Variants in CFAP44 observed in about 807,000 individuals in gnomAD.
CFAP44 encodes cilia and flagella associated protein 44.
Under a neutral mutation model 216.2 loss-of-function variants are expected in CFAP44, and 134 were observed. The observed-to-expected ratio is 0.62, with a 90% confidence interval of 0.54 to 0.72. The LOEUF (loss-of-function observed/expected upper bound fraction) is 0.72. Ranked by LOEUF, CFAP44 falls within the 30% of genes least tolerant of loss-of-function variation. CFAP44 has a pLI of 0.00. For missense variants in CFAP44, 2,035 were observed against 2,182.1 expected, an observed-to-expected ratio of 0.93 and a Z score of 1.34; for synonymous variants, 700 against 727.6, an observed-to-expected ratio of 0.96 and a Z score of 0.61.
At chr3:113,371,298 C>A (rs1345287802) in intron 18 of CFAP44, among the ~76,000 whole-genome samples, 1 of 152,190 alleles carries the variant, frequency 6.6e-6, no homozygotes, top group Non-Finnish European at 1.5e-5. Flanking sequence ...AAGAACAAAG[C>A]TGGAGGCATC....
chr3:113,385,552 T>C (rs952929824), intron 15 of CFAP44, among the ~76,000 whole-genome samples: 1 of 152,238 alleles, frequency 6.6e-6, no homozygotes, highest in Non-Finnish European at 1.5e-5. Flanking sequence ...GAGAAGAATG[T>C]GTATTCTACA....
At chr3:113,327,378 C>T (rs558149920) in intron 27 of CFAP44, among the ~76,000 whole-genome samples, 2 of 152,210 alleles carry the variant, frequency 1.3e-5, no homozygotes, top group South Asian at 4.1e-4. Context: ...AAATTTTATT[C>T]TTCTACCTTA....
intron 28 of CFAP44, among the ~76,000 whole-genome samples, chr3:113,324,037 C>A (rs1222235199): frequency 8.4e-6 from 1 of 118,656 alleles, no homozygotes. Context: ...AGCAAGACTC[C>A]GTCTCAAAAA....
chr3:113,335,751 T>C (rs1950276963), intron 24 of CFAP44, among the ~76,000 whole-genome samples: 1 of 152,218 alleles, frequency 6.6e-6, no homozygotes, highest in African/African-American at 2.4e-5. Flanking sequence ...AATTGACATT[T>C]ATAGAACACT....
At chr3:113,436,020 G>C (rs74812356) in intron 1 of CFAP44, among the ~76,000 whole-genome samples, 5,865 of 151,874 alleles carry the variant, frequency 0.039, 170 homozygotes, top group African/African-American at 0.071. Flanking sequence ...GTTTATGGAG[G>C]GGGTGGGGTT....
chr3:113,425,221 A>G (rs1192615472), intron 4 of CFAP44, among the ~76,000 whole-genome samples: 1 of 152,226 alleles, frequency 6.6e-6, no homozygotes, highest in African/African-American at 2.4e-5. Context: ...GTTTTTATGT[A>G]AAAAGCAAAA....
Position 113,290,283 on chromosome 3 carries a change from T to C in CFAP44, c.*1274A>G, listed in dbSNP as rs548210256. Reference sequence around the variant, plus strand: ...CAATAAGGTATTCTGACCTCTTAAATAGGAATATGAAGGAATCTTAGGAAG... The same window carrying C: ...CAATAAGGTATTCTGACCTCTTAAACAGGAATATGAAGGAATCTTAGGAAG... On this transcript the variant is annotated 3_prime_UTR_variant, in exon 35 of 35. Transcript: ENST00000393845. The C allele has an allele frequency of 7.2e-5, 11 of 152,254 alleles. No individual in the cohort carries two copies. Among genetic ancestry groups the C allele is most frequent in the Admixed American group, 5.9e-4 (9 of 15,296 alleles). The allele number at this position is 152,254 out of a possible 1,614,324, so 9.4% of individuals were successfully genotyped here. A position where few individuals can be genotyped will look rare whatever the true frequency, so the allele number is the denominator to read the frequency against.
At position 113,331,056 on chromosome 3, in the gene CFAP44, C is replaced by A. The variant is rs114966549; in HGVS notation, c.3616-388G>T. ...CAATTAATTCATTTTCCTCCTGGAA[C>A]TTTGAATCCCTTTGACTTAGACTCA... is the stretch of plus-strand genomic sequence containing the variant. On this transcript the variant is annotated intron_variant, in intron 25 of 34. Coordinates refer to ENST00000393845, the MANE Select transcript of CFAP44 (RefSeq NM_001164496.2). Among the ~76,000 whole-genome samples, 693 of 152,280 alleles carry A rather than the reference C, an allele frequency of 4.6e-3. 6 individuals are homozygous for A. Among genetic ancestry groups the A allele is most frequent in the African/African-American group, 0.016 (655 of 41,560 alleles).
chr3:113,369,746 G>A (rs191665743), intron 18 of CFAP44, among the ~76,000 whole-genome samples: 2 of 151,612 alleles, frequency 1.3e-5, no homozygotes, highest in Admixed American at 6.6e-5. Flanking sequence ...AACTGAAGGA[G>A]ATAGAGACAA....
At position 113,363,192 on chromosome 3, in the gene CFAP44, A is replaced by C. The variant is rs370484707; in HGVS notation, c.2887T>G (p.Leu963Val). ...TTTGGTAATTTTTCATTCATTTCTA[A>C]TAGATTACAAAATTCACTCCTCAAA... ...KALRSEFCNL[L>V]EMNEKLPKHM... The change falls in exon 21 of 35, where the codon TTA (leucine) becomes GTA (valine). Residue 963 changes from leucine (L) to valine (V), a missense_variant. Around this residue, in one of 3 missense-constraint regions of CFAP44, gnomAD observed 1,883 missense variants for 2,023.7 expected, o/e 0.93. Transcript: ENST00000393845. 1 of 1,612,818 alleles carries C rather than the reference A, an allele frequency of 6.2e-7. No homozygotes were observed. The highest frequency in any genetic ancestry group is 8.5e-7 in the Non-Finnish European group (1 of 1,179,584).
intron 9 of CFAP44, among the ~76,000 whole-genome samples, chr3:113,402,416 T>G (rs549638144): frequency 6.6e-6 from 1 of 151,842 alleles, no homozygotes; most frequent in South Asian, 2.1e-4. Flanking sequence ...ATAGGAAGAG[T>G]GAAGGAGCAC....
rs1297838444 is a variant in CFAP44 at position 113,433,684 on chromosome 3, T to C, written c.-5-15A>G. 9 of 1,583,746 alleles carry C rather than the reference T, an allele frequency of 5.7e-6. No homozygotes were observed. Among genetic ancestry groups the C allele is most frequent in the Admixed American group, 1.7e-5 (1 of 59,862 alleles). The stretch of plus-strand genomic sequence containing the variant: ...CTTCATTTCCTCTGTAAGTACAAAA[T>C]GGGGATGAGATATGGATAAAGCTGT... On this transcript the variant is annotated splice_polypyrimidine_tract_variant and intron_variant, in intron 1 of 34. Transcript: ENST00000393845.
intron 6 of CFAP44, among the ~76,000 whole-genome samples, chr3:113,414,995 G>GTT (rs141093042): frequency 0.17 from 26,445 of 151,418 alleles, 2,975 homozygotes; most frequent in East Asian, 0.42. Context: ...TGGTCCTGGA[G>GTT]TTTTTTTTGG....
chr3:113,372,241 A>T (rs1485837830), intron 18 of CFAP44, among the ~76,000 whole-genome samples: 1 of 152,222 alleles, frequency 6.6e-6, no homozygotes, highest in East Asian at 1.9e-4. Flanking sequence ...ATATACCCAA[A>T]GGATTATAAA....
intron 15 of CFAP44, among the ~76,000 whole-genome samples, chr3:113,387,388 G>T (rs1441388517): frequency 6.6e-6 from 1 of 152,122 alleles, no homozygotes. Context: ...GAGTTGTGAG[G>T]CCCCTATTCC....
chr3:113,412,401 C>A (rs1425086927), intron 6 of CFAP44, among the ~76,000 whole-genome samples: 4 of 146,176 alleles, frequency 2.7e-5, no homozygotes, highest in East Asian at 2.0e-4. Flanking sequence ...TTAAATATAT[C>A]TCTTTTATTT....
chr3:113,313,899 C>T (rs1950063872), intron 28 of CFAP44, among the ~76,000 whole-genome samples: 1 of 151,968 alleles, frequency 6.6e-6, no homozygotes. Context: ...TGAGAACAGA[C>T]TAATACACCA....
Position 113,347,383 on chromosome 3 carries a change from A to T in CFAP44, c.3066-2671T>A, listed in dbSNP as rs1342580729. On this transcript the variant is annotated intron_variant, in intron 22 of 34. Coordinates refer to ENST00000393845, the MANE Select transcript of CFAP44 (RefSeq NM_001164496.2). ...AAGTCACGTCGCCCAAGCAAGGCTCACCTGTCTATCCTATCTATCCTGACA... is the reference window on the plus strand; with the variant it reads ...AAGTCACGTCGCCCAAGCAAGGCTCTCCTGTCTATCCTATCTATCCTGACA... Among the ~76,000 whole-genome samples the T allele has an allele frequency of 3.3e-5, 5 of 152,082 alleles. No homozygotes were observed. In the East Asian group the frequency reaches 9.7e-4, roughly 29 times the overall value.
intron 24 of CFAP44, among the ~76,000 whole-genome samples, chr3:113,337,274 G>A (rs548449314): frequency 1.8e-4 from 28 of 151,962 alleles, no homozygotes; most frequent in Middle Eastern, 6.8e-3. Flanking sequence ...TTTTTATGCT[G>A]AAAACAGCAA....
Sources: allele counts gnomAD v4.1 joint callset (sites outside exome capture counted in the v4.1 genomes callset), GRCh38; gene constraint gnomAD v4.1.1; regional missense constraint gnomAD v4.1.1; transcripts MANE v1.5; gene names NCBI Gene and HGNC (gene_info 2026-07-23, HGNC 2026-07-21).